Variants in AHI1 observed in about 807,000 individuals in gnomAD.
The protein encoded by AHI1 is jouberin.
In AHI1, 123 loss-of-function variants were observed where a neutral mutation model predicts 149.3. That is an observed-to-expected ratio of 0.82 (90% confidence interval 0.71 to 0.96). The LOEUF (loss-of-function observed/expected upper bound fraction) is 0.96. Among genes scored for constraint, AHI1 ranks in the 40% least tolerant of loss-of-function variants. The pLI, the probability that AHI1 is intolerant of heterozygous loss-of-function variation, is 0.00. For synonymous variants in AHI1, 475 were observed against 459.8 expected (o/e 1.03, Z -0.42); for missense variants, 1,439 against 1,422.7 (o/e 1.01, Z -0.18).
intron 25 of AHI1, among the ~76,000 whole-genome samples, chr6:135,321,947 G>A (rs1407492372): frequency 6.6e-6 from 1 of 152,080 alleles, no homozygotes; most frequent in African/African-American, 2.4e-5. Flanking sequence ...GATTATAGGT[G>A]CCCACCACCA....
At chr6:135,378,895 A>G (rs1352036215) in intron 23 of AHI1, among the ~76,000 whole-genome samples, 1 of 152,104 alleles carries the variant, frequency 6.6e-6, no homozygotes, top group Admixed American at 6.5e-5. Context: ...GAAACATCCA[A>G]GTTATCCACC....
At chr6:135,346,581 A>T (rs1175784819) in intron 24 of AHI1, among the ~76,000 whole-genome samples, 1 of 152,082 alleles carries the variant, frequency 6.6e-6, no homozygotes, top group African/African-American at 2.4e-5. Context: ...TTTTCTAGTA[A>T]AAGAGAAAGA....
intron 5 of AHI1, among the ~76,000 whole-genome samples, chr6:135,471,395 T>G (rs570207569): frequency 6.6e-5 from 10 of 152,186 alleles, no homozygotes; most frequent in Non-Finnish European, 1.5e-4. Context: ...ACACTGACAT[T>G]TTCATTACTT....
intron 22 of AHI1, among the ~76,000 whole-genome samples, chr6:135,397,395 C>T (rs1008362724): frequency 5.9e-5 from 9 of 151,970 alleles, no homozygotes; most frequent in Non-Finnish European, 8.8e-5. Context: ...CACCAATCTA[C>T]CCTCTTTTCA....
intron 5 of AHI1, among the ~76,000 whole-genome samples, chr6:135,481,361 TGA>T (rs1793610397): frequency 6.6e-6 from 1 of 152,234 alleles, no homozygotes; most frequent in African/African-American, 2.4e-5. Flanking sequence ...ACAAAATGCT[TGA>T]GACAAAAAGT....
At chr6:135,363,215 C>T (rs2128443875) in intron 23 of AHI1, among the ~76,000 whole-genome samples, 1 of 150,600 alleles carries the variant, frequency 6.6e-6, no homozygotes, top group South Asian at 2.1e-4. Context: ...GTGTTTGTGT[C>T]CCTGGGTACT....
chr6:135,323,255 G>C lies in AHI1; in HGVS notation c.3235C>G (p.Arg1079Gly). ...ELTIHRGDII[R>G]VFFKDNEDWW... ...TCTTCATTATCTTTGAAAAACACTC[G>C]GATAATGTCTCCGCGATGGATGGTT... The change falls in exon 25 of 29, where the codon CGA becomes GGA. Residue 1079 changes from arginine to glycine, a missense_variant. Transcript: ENST00000265602. 2 of 1,613,692 alleles carry C rather than the reference G, an allele frequency of 1.2e-6. No individual in the cohort carries two copies. The highest frequency in any genetic ancestry group is 1.7e-6 in the Non-Finnish European group (2 of 1,179,762).
At chr6:135,298,327 C>CAAAAAAAA (rs59847805) in intron 27 of AHI1, among the ~76,000 whole-genome samples, 5 of 105,844 alleles carry the variant, frequency 4.7e-5, no homozygotes, top group Non-Finnish European at 9.1e-5. Context: ...TGACATTTCT[C>CAAAAAAAA]AAAAAAAAAA....
At chr6:135,296,063 C>G (rs1026736863) in intron 27 of AHI1, among the ~76,000 whole-genome samples, 8 of 152,214 alleles carry the variant, frequency 5.3e-5, no homozygotes, top group Non-Finnish European at 1.0e-4. Context: ...CCATGTTGGC[C>G]AGGCTGGTCT....
chr6:135,290,586 G>A, intron 27 of AHI1, 61 bp from the exon 28 acceptor site: 8 of 1,576,754 alleles, frequency 5.1e-6, no homozygotes, highest in Non-Finnish European at 7.0e-6. Context: ...TAAAAGCTCA[G>A]ATGAGGCTTT....
intron 24 of AHI1, among the ~76,000 whole-genome samples, chr6:135,332,347 G>GT (rs1163083501): frequency 3.9e-5 from 6 of 152,202 alleles, no homozygotes; most frequent in East Asian, 3.8e-4. Context: ...GATTACAGGC[G>GT]TAAGCCACCG....
At chr6:135,398,058 GTTTT>G (rs68148024) in intron 22 of AHI1, among the ~76,000 whole-genome samples, 15 of 88,436 alleles carry the variant, frequency 1.7e-4, no homozygotes, top group East Asian at 6.8e-4. Context: ...TACCCAGGAT[GTTTT>G]TTTTTTTTTT....
At chr6:135,381,179 TGAA>T (rs1247285467) in intron 23 of AHI1, among the ~76,000 whole-genome samples, 2 of 151,664 alleles carry the variant, frequency 1.3e-5, no homozygotes, top group Admixed American at 6.6e-5. Context: ...ATGTCACTAC[TGAA>T]GAAGGGAAAA....
At chr6:135,361,894 T>C (rs1432242291) in intron 23 of AHI1, among the ~76,000 whole-genome samples, 2 of 152,158 alleles carry the variant, frequency 1.3e-5, no homozygotes, top group African/African-American at 2.4e-5. Context: ...TTTGGTTACA[T>C]GGGTAAGTTC....
chr6:135,369,240 C>T (rs1774667975), intron 23 of AHI1, among the ~76,000 whole-genome samples: 1 of 152,224 alleles, frequency 6.6e-6, no homozygotes, highest in African/African-American at 2.4e-5. Flanking sequence ...TTCCCTCTCT[C>T]ACTCTTTGGG....
intron 7 of AHI1, 111 bp from the exon 8 acceptor site, chr6:135,463,417 C>A: frequency 1.1e-6 from 1 of 884,342 alleles, no homozygotes; most frequent in Admixed American, 2.8e-5. Context: ...CCTAAAATCA[C>A]TATTATTGTC....
At chr6:135,400,093 T>G (rs572308916) in intron 22 of AHI1, among the ~76,000 whole-genome samples, 2 of 152,216 alleles carry the variant, frequency 1.3e-5, no homozygotes, top group South Asian at 4.1e-4. Flanking sequence ...TGTTTCCTTT[T>G]TGTGTTTGTA....
intron 23 of AHI1, among the ~76,000 whole-genome samples, chr6:135,373,114 G>A (rs572128776): frequency 2.0e-5 from 3 of 152,324 alleles, no homozygotes; most frequent in African/African-American, 7.2e-5. Flanking sequence ...CTTTGGTAAT[G>A]TTCCTAAACT....
At chr6:135,311,035 C>T (rs1231705193) in intron 26 of AHI1, among the ~76,000 whole-genome samples, 1 of 151,964 alleles carries the variant, frequency 6.6e-6, no homozygotes, top group Non-Finnish European at 1.5e-5. Context: ...GGAGTGGTGG[C>T]TCACACTTGT....
Sources: allele counts gnomAD v4.1 joint callset (sites outside exome capture counted in the v4.1 genomes callset), GRCh38; gene constraint gnomAD v4.1.1; transcripts MANE v1.5; gene names NCBI Gene and HGNC (gene_info 2026-07-23, HGNC 2026-07-21).